HS6ST3: variants seen among roughly 807,000 people sequenced by gnomAD.
HS6ST3 encodes heparan sulfate 6-O-sulfotransferase 3.
In HS6ST3, 12 loss-of-function variants were observed where a neutral mutation model predicts 36.7. The observed-to-expected ratio is 0.33, with a 90% CI of 0.21 to 0.53. HS6ST3 has a LOEUF of 0.53. HS6ST3 is among the 20% of genes least tolerant of loss of function. The pLI is 0.95. For missense variants in HS6ST3, 584 were observed against 640.9 expected, an observed-to-expected ratio of 0.91 and a Z score of 0.96; for synonymous variants, 240 against 257.5, an observed-to-expected ratio of 0.93 and a Z score of 0.65.
In HS6ST3 at chr13:96,151,456, C is replaced by T. The variant is rs574103597; in HGVS notation, c.707+59887C>T. Among the ~76,000 whole-genome samples the T allele has an allele frequency of 2.0e-5, 3 of 150,478 alleles. No homozygotes were observed. In the East Asian group the frequency reaches 5.8e-4, roughly 29 times the overall value. ...TGGATACAAAATAGTACAAACAATGCAAGTTCCATTAAAAAACAATTACAC... is the reference window on the plus strand; with the variant it reads ...TGGATACAAAATAGTACAAACAATGTAAGTTCCATTAAAAAACAATTACAC... On this transcript the variant is annotated intron_variant, in intron 1 of 1. Transcript: ENST00000376705.
chr13:96,139,338 C>T (rs572832934), intron 1 of HS6ST3, among the ~76,000 whole-genome samples: 3 of 151,156 alleles, frequency 2.0e-5, no homozygotes, highest in African/African-American at 4.9e-5. Flanking sequence ...TAATGAAGGT[C>T]GCAAATCAAA....
intron 1 of HS6ST3, among the ~76,000 whole-genome samples, chr13:96,259,374 G>A (rs114649380): frequency 1.4e-3 from 207 of 152,256 alleles, no homozygotes; most frequent in African/African-American, 4.5e-3. Context: ...GACTGTCATA[G>A]GAGATGACTG....
chr13:96,733,158 C>T (rs1876202155), intron 1 of HS6ST3, among the ~76,000 whole-genome samples: 1 of 152,136 alleles, frequency 6.6e-6, no homozygotes, highest in South Asian at 2.1e-4. Context: ...GCTAGAACTT[C>T]CAGTACTATG....
intron 1 of HS6ST3, among the ~76,000 whole-genome samples, chr13:96,143,950 A>G (rs1163768878): frequency 6.6e-6 from 1 of 152,192 alleles, no homozygotes; most frequent in African/African-American, 2.4e-5. Context: ...TCAGGCTTTC[A>G]ATGTACTGTT....
intron 1 of HS6ST3, among the ~76,000 whole-genome samples, chr13:96,741,302 A>G (rs1043272391): frequency 6.6e-6 from 1 of 152,192 alleles, no homozygotes; most frequent in Non-Finnish European, 1.5e-5. Context: ...TCAGCCAGAG[A>G]CAATTTCAAA....
At chr13:96,341,762 A>G (rs951608755) in intron 1 of HS6ST3, among the ~76,000 whole-genome samples, 1 of 152,202 alleles carries the variant, frequency 6.6e-6, no homozygotes, top group Non-Finnish European at 1.5e-5. Flanking sequence ...TTGGGTAAAA[A>G]TTCTTATGGA....
intron 1 of HS6ST3, among the ~76,000 whole-genome samples, chr13:96,653,889 C>T (rs1044008840): frequency 1.6e-4 from 25 of 152,048 alleles, no homozygotes; most frequent in Admixed American, 2.0e-4. Context: ...GACTTTTTAA[C>T]GGTCACCATT....
At chr13:96,795,085 C>G (rs911518867) in intron 1 of HS6ST3, among the ~76,000 whole-genome samples, 2 of 151,990 alleles carry the variant, frequency 1.3e-5, no homozygotes, top group Admixed American at 1.3e-4. Context: ...AAAAAAATAG[C>G]TCACTGCCTA....
chr13:96,802,604 T>C (rs747198950), intron 1 of HS6ST3, among the ~76,000 whole-genome samples: 2 of 152,198 alleles, frequency 1.3e-5, no homozygotes, highest in Non-Finnish European at 2.9e-5. Context: ...TTCTTCAAGA[T>C]GTACTGAGAT....
intron 1 of HS6ST3, among the ~76,000 whole-genome samples, chr13:96,114,377 T>C (rs2053884190): frequency 6.6e-6 from 1 of 152,174 alleles, no homozygotes; most frequent in Non-Finnish European, 1.5e-5. Flanking sequence ...CTCAAACTCC[T>C]GGCCTCAAGT....
At position 96,207,466 on chromosome 13, in the gene HS6ST3, T is replaced by A. The variant is rs144026209; in HGVS notation, c.707+115897T>A. Among the ~76,000 whole-genome samples the A allele has an allele frequency of 3.0e-4, 45 of 152,158 alleles. No homozygotes were observed. The East Asian group carries it at 7.7e-3, about 26-fold the overall frequency. On this transcript the variant is annotated intron_variant, in intron 1 of 1. Transcript: ENST00000376705. ...GCAGAAATACCATTTGACCCAGCAA[T>A]GCCATTACTAGATATATACCCAAAG...
At chr13:96,411,489 G>A (rs947384478) in intron 1 of HS6ST3, among the ~76,000 whole-genome samples, 1 of 152,190 alleles carries the variant, frequency 6.6e-6, no homozygotes, top group Non-Finnish European at 1.5e-5. Flanking sequence ...GGTGGGAGTA[G>A]AGCTAAACGA....
chr13:96,822,059 A>G (rs1246825746), intron 1 of HS6ST3, among the ~76,000 whole-genome samples: 2 of 152,226 alleles, frequency 1.3e-5, no homozygotes, highest in Non-Finnish European at 2.9e-5. Context: ...CCCTAAAAGC[A>G]GTGCCTGAGA....
intron 1 of HS6ST3, among the ~76,000 whole-genome samples, chr13:96,755,780 T>C (rs1338250869): frequency 6.6e-6 from 1 of 152,240 alleles, no homozygotes; most frequent in Non-Finnish European, 1.5e-5. Flanking sequence ...TTTGCTATTA[T>C]GAATAAAGCT....
chr13:96,320,625 C>T (rs1163956449), intron 1 of HS6ST3, among the ~76,000 whole-genome samples: 1 of 152,216 alleles, frequency 6.6e-6, no homozygotes, highest in African/African-American at 2.4e-5. Context: ...TTTCTCTACA[C>T]TGGGGTGTAT....
At chr13:96,453,201 A>G (rs1431429441) in intron 1 of HS6ST3, among the ~76,000 whole-genome samples, 1 of 152,058 alleles carries the variant, frequency 6.6e-6, no homozygotes, top group Non-Finnish European at 1.5e-5. Context: ...AAAAAAGAAA[A>G]AAAGATTTAG....
At chr13:96,132,992 T>C (rs1161342045) in intron 1 of HS6ST3, among the ~76,000 whole-genome samples, 1 of 152,202 alleles carries the variant, frequency 6.6e-6, no homozygotes, top group African/African-American at 2.4e-5. Context: ...TTCTTGCTAT[T>C]GAATCTTTTG....
chr13:96,425,629 A>T (rs1465498711), intron 1 of HS6ST3, among the ~76,000 whole-genome samples: 1 of 151,924 alleles, frequency 6.6e-6, no homozygotes, highest in Admixed American at 6.6e-5. Flanking sequence ...GTGTGTGTGT[A>T]TGTGTATATG....
intron 1 of HS6ST3, among the ~76,000 whole-genome samples, chr13:96,107,320 CTG>C (rs1339593664): frequency 6.6e-6 from 1 of 152,028 alleles, no homozygotes; most frequent in African/African-American, 2.4e-5. Flanking sequence ...TGTATGGTCT[CTG>C]TAAATGGCTG....
Sources: allele counts gnomAD v4.1 joint callset (sites outside exome capture counted in the v4.1 genomes callset), GRCh38; gene constraint gnomAD v4.1.1; transcripts MANE v1.5; gene names NCBI Gene and HGNC (gene_info 2026-07-23, HGNC 2026-07-21).